The following ABAT variants were observed in gnomAD, a reference collection of about 807,000 sequenced individuals.
The protein encoded by ABAT is 4-aminobutyrate aminotransferase, mitochondrial.
Under a neutral mutation model 64.6 loss-of-function variants are expected in ABAT, and 45 were observed. The ratio of observed to expected loss-of-function variants is 0.70; its 90% CI spans 0.55 to 0.89. The LOEUF (loss-of-function observed/expected upper bound fraction) is 0.89. ABAT is among the 40% of genes least tolerant of loss of function. The probability of loss-of-function intolerance (pLI) is 0.00; values close to 1 mark genes in which losing one functional copy is unlikely to be tolerated. For missense variants in ABAT, 633 were observed against 658.4 expected (o/e 0.96, Z 0.42); for synonymous variants, 297 against 250.5 (o/e 1.19, Z -1.75).
At chr16:8,719,684 T>C (rs13337518) in intron 1 of ABAT, among the ~76,000 whole-genome samples, 8,842 of 152,176 alleles carry the variant, frequency 0.058, 433 homozygotes, top group African/African-American at 0.13. Flanking sequence ...GTGCCTTTAC[T>C]AACTTCAAGT....
At chr16:8,750,864 C>A (rs1341547015) in intron 5 of ABAT, among the ~76,000 whole-genome samples, 1 of 151,918 alleles carries the variant, frequency 6.6e-6, no homozygotes, top group Non-Finnish European at 1.5e-5. Flanking sequence ...ATCTGTGTGA[C>A]CACAGTGGCA....
intron 1 of ABAT, among the ~76,000 whole-genome samples, chr16:8,686,478 C>T (rs1356056532): frequency 2.0e-5 from 3 of 152,164 alleles, no homozygotes; most frequent in East Asian, 1.9e-4. Flanking sequence ...CCAGCTTTAC[C>T]CATGATAATG....
chr16:8,687,381 C>G (rs1015887942), intron 1 of ABAT, among the ~76,000 whole-genome samples: 1 of 152,082 alleles, frequency 6.6e-6, no homozygotes, highest in Non-Finnish European at 1.5e-5. Flanking sequence ...AAAAAATTAG[C>G]TGGGTGTTGT....
chr16:8,766,151 T>G, intron 8 of ABAT, 57 bp from the exon 9 acceptor site: 1 of 1,546,204 alleles, frequency 6.5e-7, no homozygotes, highest in South Asian at 1.1e-5. Context: ...GTTGGAAAGA[T>G]GAAGCCCCGA....
chr16:8,769,027 C>T (rs1020475468), intron 11 of ABAT, 54 bp downstream of exon 11: 61 of 1,610,360 alleles, frequency 3.8e-5, no homozygotes, highest in Admixed American at 2.3e-4. Flanking sequence ...TTGCTCTTGC[C>T]GCCCCAAGAC....
chr16:8,699,589 C>T (rs577534242), intron 1 of ABAT, among the ~76,000 whole-genome samples: 21 of 152,092 alleles, frequency 1.4e-4, no homozygotes, highest in Admixed American at 1.3e-4. Flanking sequence ...TAAAACAGGA[C>T]CTCACTCTGT....
intron 1 of ABAT, among the ~76,000 whole-genome samples, chr16:8,727,677 A>T (rs1242110875): frequency 2.6e-5 from 4 of 152,348 alleles, no homozygotes; most frequent in African/African-American, 9.6e-5. Context: ...AGCCTAGTAC[A>T]TTAAATTCTT....
intron 1 of ABAT, among the ~76,000 whole-genome samples, chr16:8,721,284 A>C (rs895859752): frequency 6.6e-6 from 1 of 152,102 alleles, no homozygotes; most frequent in African/African-American, 2.4e-5. Context: ...CCCTGTATCC[A>C]TGGGATGTTT....
At chr16:8,699,428 G>A (rs2057771836) in intron 1 of ABAT, among the ~76,000 whole-genome samples, 1 of 152,138 alleles carries the variant, frequency 6.6e-6, no homozygotes, top group Non-Finnish European at 1.5e-5. Flanking sequence ...CATGATAGCA[G>A]GTACGTGCAA....
intron 1 of ABAT, among the ~76,000 whole-genome samples, chr16:8,732,966 C>T (rs983192855): frequency 4.7e-5 from 7 of 147,758 alleles, no homozygotes; most frequent in African/African-American, 1.8e-4. Flanking sequence ...GGCGGCTGGC[C>T]GGGCGGGGGG....
At chr16:8,742,004 TC>T (rs1281866618) in intron 2 of ABAT, among the ~76,000 whole-genome samples, 1 of 152,044 alleles carries the variant, frequency 6.6e-6, no homozygotes, top group Non-Finnish European at 1.5e-5. Context: ...ATTTCCCCAT[TC>T]CCCCCCTTTC....
At chr16:8,702,409 C>T (rs965425190) in intron 1 of ABAT, among the ~76,000 whole-genome samples, 35 of 152,098 alleles carry the variant, frequency 2.3e-4, no homozygotes, top group Non-Finnish European at 1.2e-4. Context: ...TGCACCACCA[C>T]GCCCAGTTAA....
intron 10 of ABAT, 90 bp from the exon 11 acceptor site, chr16:8,768,735 T>G: frequency 2.5e-6 from 4 of 1,576,218 alleles, no homozygotes; most frequent in Non-Finnish European, 3.5e-6. Flanking sequence ...CTGACAGCCT[T>G]GCGCTGAAAT....
At position 8,774,940 on chromosome 16, in the gene ABAT, G is replaced by A. The variant is rs557375445; in HGVS notation, c.1005G>A (p.Thr335=). 1.4e-5 allele frequency: 22 copies of A among 1,614,178 alleles called. No homozygotes were observed. The highest frequency in any genetic ancestry group is 4.0e-5 in the African/African-American group (3 of 75,042). The change falls in exon 13 of 16, where the codon ACG becomes ACA. Residue 335 remains threonine (T), a synonymous_variant. Transcript: ENST00000268251. ...VDEVQTGGGC[T]GKFWAHEHWG... ...AGGTCCAGACCGGAGGAGGCTGCAC[G>A]GGCAAGTTCTGGGCCCATGAGCACT... is the stretch of plus-strand genomic sequence containing the variant.
At chr16:8,699,727 G>C (rs560948626) in intron 1 of ABAT, among the ~76,000 whole-genome samples, 1 of 151,800 alleles carries the variant, frequency 6.6e-6, no homozygotes, top group East Asian at 2.0e-4. Flanking sequence ...ACACCTGGCT[G>C]ATATTTTTTG....
intron 5 of ABAT, among the ~76,000 whole-genome samples, chr16:8,752,572 A>G (rs1430017378): frequency 6.6e-6 from 1 of 152,168 alleles, no homozygotes; most frequent in Non-Finnish European, 1.5e-5. Flanking sequence ...CAATCTGGGC[A>G]TTATAGTGAG....
At chr16:8,698,228 A>G (rs746818984) in intron 1 of ABAT, among the ~76,000 whole-genome samples, 6 of 152,080 alleles carry the variant, frequency 3.9e-5, no homozygotes, top group African/African-American at 7.2e-5. Context: ...AACTGAGTAC[A>G]TGGCCCTCCT....
intron 1 of ABAT, among the ~76,000 whole-genome samples, chr16:8,707,344 G>A (rs1183947929): frequency 9.3e-6 from 1 of 107,528 alleles, no homozygotes; most frequent in Non-Finnish European, 1.9e-5. Flanking sequence ...ACACTACCAT[G>A]CCAGGGTAAT....
chr16:8,717,964 G>T (rs1367256977), intron 1 of ABAT, among the ~76,000 whole-genome samples: 1 of 152,030 alleles, frequency 6.6e-6, no homozygotes, highest in Non-Finnish European at 1.5e-5. Context: ...TCTCCATGAG[G>T]TGAGCTTGGG....
Sources: allele counts gnomAD v4.1 joint callset (sites outside exome capture counted in the v4.1 genomes callset), GRCh38; gene constraint gnomAD v4.1.1; transcripts MANE v1.5; gene names NCBI Gene and HGNC (gene_info 2026-07-23, HGNC 2026-07-21).